Variants in IPCEF1 observed in about 807,000 individuals in gnomAD.
IPCEF1 encodes interactor protein for cytohesin exchange factors 1.
Under a neutral mutation model 50.9 loss-of-function variants are expected in IPCEF1, and 31 were observed. The observed-to-expected ratio is 0.61, with a 90% CI of 0.46 to 0.82. IPCEF1 has a LOEUF of 0.82. Ranked by LOEUF, IPCEF1 falls within the 40% of genes least tolerant of loss-of-function variation. The pLI is 0.00. For missense variants in IPCEF1, 458 were observed against 514.0 expected (o/e 0.89, Z 1.05); for synonymous variants, 181 against 192.0 (o/e 0.94, Z 0.47).
At chr6:154,287,813 C>A (rs1782400931) in intron 2 of IPCEF1, among the ~76,000 whole-genome samples, 1 of 152,122 alleles carries the variant, frequency 6.6e-6, no homozygotes, top group African/African-American at 2.4e-5. Flanking sequence ...ATAGTAAAAT[C>A]ACCCACTTTT....
chr6:154,326,710 A>G (rs2206570), intron 1 of IPCEF1, among the ~76,000 whole-genome samples: 3,205 of 152,290 alleles, frequency 0.021, 60 homozygotes, highest in Non-Finnish European at 0.032. Flanking sequence ...ATTAGAAAAA[A>G]CTATTTTAAA....
intron 1 of IPCEF1, among the ~76,000 whole-genome samples, chr6:154,307,785 CTT>C (rs1307772998): frequency 2.6e-5 from 4 of 152,196 alleles, no homozygotes; most frequent in Non-Finnish European, 4.4e-5. Flanking sequence ...ATACCCTACT[CTT>C]TGCTTCAAAC....
chr6:154,229,466 C>T (rs1779548747), intron 5 of IPCEF1, among the ~76,000 whole-genome samples: 1 of 151,136 alleles, frequency 6.6e-6, no homozygotes, highest in African/African-American at 2.4e-5. Flanking sequence ...TCTCCCGCCT[C>T]AGCCTCCCGA....
chr6:154,208,897 C>T lies in IPCEF1; in HGVS notation c.537+3873G>A, dbSNP rs1282824766. ...ATCTATTTGGAGCCTTTTCAGTAAG[C>T]CTGTTAAAAGCTGCCCACTTGCAAC... On this transcript the variant is annotated intron_variant, in intron 9 of 11. Transcript: ENST00000367220. Among the ~76,000 whole-genome samples the T allele has an allele frequency of 2.0e-5, 3 of 152,158 alleles. No individual in the cohort carries two copies. In the South Asian group the frequency reaches 6.2e-4, roughly 31 times the overall value.
At chr6:154,341,098 T>C (rs1783910238) in intron 1 of IPCEF1, among the ~76,000 whole-genome samples, 1 of 152,136 alleles carries the variant, frequency 6.6e-6, no homozygotes, top group Non-Finnish European at 1.5e-5. Flanking sequence ...AGACAAGCTG[T>C]TGCATTCTTC....
chr6:154,165,011 C>T (rs567586409), intron 11 of IPCEF1, among the ~76,000 whole-genome samples: 7 of 152,202 alleles, frequency 4.6e-5, no homozygotes, highest in Admixed American at 6.5e-5. Flanking sequence ...AATGCACCTG[C>T]GGCAAATATA....
At position 154,282,555 on chromosome 6, in the gene IPCEF1, C is replaced by T. The variant is rs535230591; in HGVS notation, c.-18+7158G>A. On this transcript the variant is annotated intron_variant, in intron 2 of 11. Coordinates refer to ENST00000367220, the MANE Select transcript of IPCEF1 (RefSeq NM_001130700.2). ...CAAAAAAATTAGGCGGGCACGGTGG[C>T]GGGCACCTGTAGTCCCAGCTACTTG... 7.7e-4 allele frequency among the ~76,000 whole-genome samples: 117 copies of T among 152,152 alleles called. 1 individual carries two copies. Among genetic ancestry groups the T allele is most frequent in the Middle Eastern group, 3.4e-3 (1 of 294 alleles).
intron 5 of IPCEF1, among the ~76,000 whole-genome samples, chr6:154,238,919 G>GGT (rs1780353494): frequency 6.8e-6 from 1 of 147,672 alleles, no homozygotes; most frequent in Non-Finnish European, 1.5e-5. Context: ...ATTCTATATT[G>GGT]TTGTTTTTTT....
In IPCEF1 at chr6:154,281,184, C is replaced by CAA. The variant is rs35597942; in HGVS notation, c.-18+8527_-18+8528dup. On this transcript the variant is annotated intron_variant, in intron 2 of 11. Coordinates refer to ENST00000367220, the MANE Select transcript of IPCEF1 (RefSeq NM_001130700.2). ...GTGAAACCCCGTTCCTACTAAAATA[C>CAA]AAAAAAAAAAAAAAAAAAAAAAGCC... Among the ~76,000 whole-genome samples, 228 of 59,124 alleles carry CAA rather than the reference C, an allele frequency of 3.9e-3. 2 individuals carry two copies. The highest frequency in any genetic ancestry group is 0.018 in the East Asian group (31 of 1,740). The allele number at this position is 59,124 out of a possible 152,430, so 38.8% of individuals were successfully genotyped here.
At chr6:154,327,454 C>T (rs970160136) in intron 1 of IPCEF1, among the ~76,000 whole-genome samples, 2 of 152,070 alleles carry the variant, frequency 1.3e-5, no homozygotes, top group African/African-American at 4.8e-5. Context: ...GGCCAAAAAA[C>T]ATATGGGGAA....
intron 1 of IPCEF1, among the ~76,000 whole-genome samples, chr6:154,321,580 C>A (rs1035892611): frequency 6.6e-6 from 1 of 151,962 alleles, no homozygotes; most frequent in South Asian, 2.1e-4. Context: ...GGGTTCAAGA[C>A]TAGCCTGGCC....
At chr6:154,236,235 A>T (rs1444458594) in intron 5 of IPCEF1, among the ~76,000 whole-genome samples, 1 of 152,242 alleles carries the variant, frequency 6.6e-6, no homozygotes. Context: ...CAATTCTGAG[A>T]CCTGCTACCA....
At chr6:154,259,335 T>C (rs1216554000) in intron 3 of IPCEF1, among the ~76,000 whole-genome samples, 1 of 152,100 alleles carries the variant, frequency 6.6e-6, no homozygotes, top group Admixed American at 6.5e-5. Context: ...ACCCTCCAAA[T>C]ACTGAGAATC....
intron 5 of IPCEF1, among the ~76,000 whole-genome samples, chr6:154,245,542 T>C (rs557860282): frequency 6.6e-6 from 1 of 152,364 alleles, no homozygotes; most frequent in East Asian, 1.9e-4. Flanking sequence ...ACAAACAATA[T>C]GCAGTACTTA....
chr6:154,175,855 C>T (rs1466442463), intron 10 of IPCEF1, among the ~76,000 whole-genome samples: 1 of 152,118 alleles, frequency 6.6e-6, no homozygotes, highest in East Asian at 1.9e-4. Flanking sequence ...CAAAGCCTGG[C>T]AGAGACACAA....
intron 1 of IPCEF1, among the ~76,000 whole-genome samples, chr6:154,325,142 T>C (rs1274197296): frequency 1.3e-5 from 2 of 152,254 alleles, no homozygotes; most frequent in East Asian, 1.9e-4. Flanking sequence ...AACAGTAAAT[T>C]ATCAATGAGA....
chr6:154,223,401 C>T (rs1273679305), intron 5 of IPCEF1, among the ~76,000 whole-genome samples, 158 bp from the exon 6 acceptor site: 1 of 152,208 alleles, frequency 6.6e-6, no homozygotes, highest in Non-Finnish European at 1.5e-5. Flanking sequence ...CCCAGATACA[C>T]AGCTCATGAG....
At chr6:154,165,840 TC>T (rs1799383496) in intron 11 of IPCEF1, among the ~76,000 whole-genome samples, 2 of 152,384 alleles carry the variant, frequency 1.3e-5, no homozygotes, top group South Asian at 4.1e-4. Flanking sequence ...GAAGCCAGTT[TC>T]CAAGTTGTGA....
At chr6:154,255,905 C>A (rs1377200986) in intron 3 of IPCEF1, among the ~76,000 whole-genome samples, 1 of 152,128 alleles carries the variant, frequency 6.6e-6, no homozygotes, top group African/African-American at 2.4e-5. Flanking sequence ...GATTTTTCTT[C>A]AAAAATTTTT....
Sources: gnomAD v4.1 joint callset for allele counts (sites outside exome capture counted in the v4.1 genomes callset) on GRCh38, gnomAD v4.1.1 for gene constraint, MANE v1.5 for transcripts, NCBI Gene and HGNC (gene_info 2026-07-23, HGNC 2026-07-21) for gene names.